The following HDAC7 variants were observed in gnomAD, a reference collection of about 807,000 sequenced individuals.
HDAC7 encodes the protein histone deacetylase 7, also known as histone deacetylase 7A.
In HDAC7, 26 loss-of-function variants were observed where a neutral mutation model predicts 115.5. That is an observed-to-expected ratio of 0.23 (90% CI 0.16 to 0.31). The LOEUF is 0.31. Among genes scored for constraint, HDAC7 ranks in the 10% least tolerant of loss-of-function variants. HDAC7 has a pLI of 1.00. For missense variants in HDAC7, 1,068 were observed against 1,329.0 expected (o/e 0.80, Z 3.05); for synonymous variants, 564 against 550.9 (o/e 1.02, Z -0.33).
Position 47,784,072 on chromosome 12 carries a change from G to A in HDAC7, c.2930+7C>T, listed in dbSNP as rs1943012732. ...CTGTGGGCCCAGGGCCAGGGGTCTG[G>A]CATTACCTATCTTCAGCCAGGATGC... On this transcript the variant is annotated splice_region_variant and intron_variant, in intron 25 of 25. Transcript: ENST00000080059. 6.2e-7 allele frequency: 1 copy of A among 1,612,758 alleles called. No individual in the cohort carries two copies.
upstream of HDAC7, among the ~76,000 whole-genome samples, chr12:47,820,988 C>G (rs1212824423): frequency 6.6e-6 from 1 of 152,176 alleles, no homozygotes; most frequent in Non-Finnish European, 1.5e-5. The surrounding 1 kb of genome is among the most constrained non-coding windows in gnomAD (Gnocchi z 4.3). Context: ...CTGGGCTAGC[C>G]GGTCAGCCGT....
chr12:47,808,024 G>A (rs1944477267), intron 1 of HDAC7, among the ~76,000 whole-genome samples: 1 of 152,242 alleles, frequency 6.6e-6, no homozygotes, highest in Non-Finnish European at 1.5e-5. Context: ...TGCCAGGTGA[G>A]CCAGCCGGGA....
chr12:47,791,523 A>C, intron 15 of HDAC7, 63 bp downstream of exon 15: 1 of 1,552,086 alleles, frequency 6.4e-7, no homozygotes. Flanking sequence ...GAGCCGAGAC[A>C]GGAGTGCATG....
Position 47,795,066 on chromosome 12 carries a change from C to T in HDAC7, c.1284+118G>A, listed in dbSNP as rs1045423628. On this transcript the variant is annotated intron_variant, in intron 11 of 25. Transcript: ENST00000080059. The surrounding 1 kb of genome is among the most constrained non-coding windows in gnomAD (Gnocchi z 4.3). ...CCATGCAGCTCTGGGCCCCAAGAAG[C>T]CACATCCCCCTCTTTTGCCCTCCAG... 9.9e-6 allele frequency: 13 copies of T among 1,312,728 alleles called. No individual in the cohort carries two copies. Among genetic ancestry groups the T allele is most frequent in the Non-Finnish European group, 1.4e-5 (13 of 939,638 alleles). 81.3% of individuals were successfully genotyped at this position (1,312,728 alleles called of 1,614,324 possible).
At chr12:47,811,585 G>A (rs535293020) in intron 1 of HDAC7, among the ~76,000 whole-genome samples, 1 of 152,324 alleles carries the variant, frequency 6.6e-6, no homozygotes, top group Non-Finnish European at 1.5e-5. Flanking sequence ...CGTCTGTGAT[G>A]TTTTTTATTT....
intron 12 of HDAC7, among the ~76,000 whole-genome samples, chr12:47,794,136 T>C (rs1943677993): frequency 6.6e-6 from 1 of 152,100 alleles, no homozygotes; most frequent in Non-Finnish European, 1.5e-5. Flanking sequence ...TGAACAGGCA[T>C]TCACAGAGGG....
intron 1 of HDAC7, chr12:47,813,168 C>T (rs992634940): frequency 1.3e-5 from 2 of 152,306 alleles, no homozygotes; most frequent in African/African-American, 2.4e-5. Context: ...CTCCAGCTCC[C>T]CCTTGCCTGG....
intron 1 of HDAC7, among the ~76,000 whole-genome samples, chr12:47,808,553 T>C (rs942578572): frequency 6.6e-6 from 1 of 152,160 alleles, no homozygotes; most frequent in African/African-American, 2.4e-5. Flanking sequence ...TGTCGGTTTC[T>C]GGGTCTGGCA....
chr12:47,787,470 CCA>C (rs1414329362), intron 21 of HDAC7, among the ~76,000 whole-genome samples: 2 of 152,230 alleles, frequency 1.3e-5, no homozygotes, highest in Non-Finnish European at 2.9e-5. Flanking sequence ...TCTGCTCACT[CCA>C]CCACCCACCT....
intron 7 of HDAC7, 43 bp downstream of exon 7, chr12:47,796,974 C>G (rs779315329): frequency 6.0e-6 from 9 of 1,508,078 alleles, no homozygotes; most frequent in Non-Finnish European, 7.9e-6. Context: ...CAAGACCAGC[C>G]AGGTTTGAGG....
rs1943894928 is a variant in HDAC7, at chr12:47,797,111, C to T, written c.609G>A (p.Lys203=). The T allele has an allele frequency of 5.6e-6, 9 of 1,606,760 alleles. No homozygotes were observed. The highest frequency in any genetic ancestry group is 7.6e-6 in the Non-Finnish European group (9 of 1,176,720). Reference sequence around the variant, plus strand: ...TCCTCCGCTCCAGGGACTTCTTGGGCTTATAGCGCAGCTTCAGGTTGGGCT... The same window carrying T: ...TCCTCCGCTCCAGGGACTTCTTGGGTTTATAGCGCAGCTTCAGGTTGGGCT... ...VSEPNLKLRY[K]PKKSLERRKN... The change falls in exon 7 of 26, where the codon AAG becomes AAA. Residue 203 remains lysine, a synonymous_variant. Coordinates refer to ENST00000080059, the MANE Select transcript of HDAC7 (RefSeq NM_015401.5). The surrounding 1 kb of genome is among the most constrained non-coding windows in gnomAD (Gnocchi z 5.5).
rs773301749 is a variant in HDAC7, at chr12:47,791,885, G to A, written c.1798C>T (p.Arg600Trp). 115 of 1,472,092 alleles carry A rather than the reference G, an allele frequency of 7.8e-5. No homozygotes were observed. The highest frequency in any genetic ancestry group is 1.2e-4 in the East Asian group (4 of 32,914). The allele number at this position is 1,472,092 out of a possible 1,614,324, so 91.2% of individuals were successfully genotyped here. ...IWSRLQERGL[R>W]SQCECLRGRK... ...CGCCTCCTCACCTCACACTGGCTCC[G>A]GAGCCCCCGCTCCTGCAGCCGGGAC... Residue 600 changes from arginine (R) to tryptophan (W), a missense_variant, in exon 14 of 26, where the codon CGG becomes TGG. This residue lies in a region of HDAC7 where 618 missense variants were observed against 701.5 expected (regional missense o/e 0.88). Transcript: ENST00000080059.
rs1373717012 is a variant in HDAC7 at position 47,798,862 on chromosome 12, G to A, written c.181C>T (p.Leu61=). The A allele has an allele frequency of 6.4e-6, 10 of 1,556,862 alleles. No individual in the cohort carries two copies. The highest frequency in any genetic ancestry group is 8.7e-6 in the Non-Finnish European group (10 of 1,151,424). ...EPPPEPTLLA[L]QRPQRLHHHL... ...TGGTGCAGGCGCTGGGGACGCTGCA[G>A]GGCCAGCAATGTGGGCTCTGGTGGG... is the stretch of plus-strand genomic sequence containing the variant. Residue 61 remains leucine (L), a synonymous_variant, in exon 3 of 26, where the codon CTG becomes TTG. Coordinates refer to ENST00000080059, the MANE Select transcript of HDAC7 (RefSeq NM_015401.5). The surrounding 1 kb of genome is among the most constrained non-coding windows in gnomAD (Gnocchi z 4.3).
chr12:47,784,405 G>C, intron 24 of HDAC7, 188 bp from the exon 25 acceptor site: 1 of 646,564 alleles, frequency 1.5e-6, no homozygotes. Context: ...CAGCCTGACA[G>C]GGTACACAGA....
At chr12:47,785,983 G>A in intron 22 of HDAC7, 98 bp from the exon 23 acceptor site, 2 of 1,210,858 alleles carry the variant, frequency 1.7e-6, no homozygotes, top group East Asian at 2.5e-5. Context: ...CCCTAATAAA[G>A]AATGACTCAC....
intron 25 of HDAC7, 24 bp from the exon 26 acceptor site, chr12:47,783,910 A>AT (rs780134352): frequency 4.0e-5 from 64 of 1,612,762 alleles, no homozygotes; most frequent in Middle Eastern, 1.6e-4. Flanking sequence ...CAAGGGTGGG[A>AT]TGCTGGAGCA....
rs1943461413 is a variant in HDAC7, at chr12:47,790,949, T to C, written c.1983+310A>G. On this transcript the variant is annotated intron_variant, in intron 16 of 25. Coordinates refer to ENST00000080059, the MANE Select transcript of HDAC7 (RefSeq NM_015401.5). ...GGCGGCCAATGCCCAGTCATGGGGG[T>C]CTTTGAAGGGAGAGATGATCCTAAG... 1.3e-5 allele frequency: 6 copies of C among 468,664 alleles called. No homozygotes were observed. In the South Asian group the frequency reaches 1.6e-4, roughly 12 times the overall value. 29.0% of individuals were successfully genotyped at this position (468,664 alleles called of 1,614,324 possible).
In HDAC7 at chr12:47,798,076, G is replaced by A. The variant is rs1388098673; in HGVS notation, c.461+32C>T. On this transcript the variant is annotated intron_variant, in intron 5 of 25. Transcript: ENST00000080059. The surrounding 1 kb of genome is among the most constrained non-coding windows in gnomAD (Gnocchi z 4.3). The stretch of plus-strand genomic sequence containing the variant: ...GGGGGCGGGGGTGGAGGGTGCATGT[G>A]GGGACAGGAGGGCAGGTGAGGAGGG... 1.3e-6 allele frequency: 2 copies of A among 1,493,702 alleles called. No individual in the cohort carries two copies. Among genetic ancestry groups the A allele is most frequent in the Non-Finnish European group, 1.9e-6 (2 of 1,070,436 alleles). 92.5% of individuals were successfully genotyped at this position (1,493,702 alleles called of 1,614,324 possible).
chr12:47,802,652 G>A, intron 1 of HDAC7: 1 of 624,652 alleles, frequency 1.6e-6, no homozygotes, highest in Non-Finnish European at 2.8e-6. Flanking sequence ...AAAGAAGAAG[G>A]CCAAGAGGTG....
Sources: gnomAD v4.1 joint callset for allele counts (sites outside exome capture counted in the v4.1 genomes callset) on GRCh38, gnomAD v4.1.1 for gene constraint, gnomAD v4.1.1 regional missense constraint, Gnocchi (gnomAD v3.1) non-coding constraint, MANE v1.5 for transcripts, NCBI Gene and HGNC (gene_info 2026-07-23, HGNC 2026-07-21) for gene names.